The following TMEM132D variants were observed in gnomAD, a reference collection of about 807,000 sequenced individuals.
TMEM132D encodes the protein mature OL transmembrane protein.
TMEM132D carries 21 observed loss-of-function variants against 62.3 expected under a neutral mutation model. That is an observed-to-expected ratio of 0.34 (90% CI 0.24 to 0.49). The LOEUF (loss-of-function observed/expected upper bound fraction) is 0.49. Among genes scored for constraint, TMEM132D ranks in the 20% least tolerant of loss-of-function variants. The probability of loss-of-function intolerance (pLI) is 0.99; values close to 1 mark genes in which losing one functional copy is unlikely to be tolerated. For synonymous variants in TMEM132D, 621 were observed against 575.6 expected (o/e 1.08, Z -1.13); for missense variants, 1,346 against 1,402.8 (o/e 0.96, Z 0.65).
intron 5 of TMEM132D, among the ~76,000 whole-genome samples, chr12:129,205,691 A>C (rs900902012): frequency 6.6e-6 from 1 of 151,884 alleles, no homozygotes; most frequent in Non-Finnish European, 1.5e-5. Context: ...AAAACTCTCC[A>C]CCCCTAAACA....
At chr12:129,380,626 T>G (rs1410356540) in intron 3 of TMEM132D, among the ~76,000 whole-genome samples, 1 of 152,050 alleles carries the variant, frequency 6.6e-6, no homozygotes, top group Non-Finnish European at 1.5e-5. Context: ...GTGTGTTGGT[T>G]TGTGTCTCCA....
chr12:129,749,791 C>G (rs1445074948), intron 1 of TMEM132D, among the ~76,000 whole-genome samples: 4 of 151,980 alleles, frequency 2.6e-5, no homozygotes, highest in Non-Finnish European at 5.9e-5. Flanking sequence ...ATGGGTGAAA[C>G]TTCCTTCAAG....
chr12:129,887,112 G>C (rs1874772774), intron 1 of TMEM132D, among the ~76,000 whole-genome samples: 1 of 152,124 alleles, frequency 6.6e-6, no homozygotes. Context: ...TCTGAGTATA[G>C]AGAACTATTT....
chr12:129,838,664 T>C (rs1873082119), intron 1 of TMEM132D, among the ~76,000 whole-genome samples: 1 of 152,106 alleles, frequency 6.6e-6, no homozygotes, highest in Admixed American at 6.5e-5. Context: ...AAAAGAGAAA[T>C]ACCCTAACAT....
chr12:129,789,122 A>C (rs1871326118), intron 1 of TMEM132D, among the ~76,000 whole-genome samples: 1 of 152,122 alleles, frequency 6.6e-6, no homozygotes, highest in Non-Finnish European at 1.5e-5. Context: ...TACATGGATA[A>C]GTTCTTTAGC....
intron 4 of TMEM132D, among the ~76,000 whole-genome samples, chr12:129,311,468 A>G (rs550054582): frequency 1.3e-5 from 2 of 152,330 alleles, no homozygotes; most frequent in Non-Finnish European, 2.9e-5. Context: ...GAATGCCCAC[A>G]ATGTTCCAGT....
At chr12:129,616,620 G>A (rs1878923708) in intron 2 of TMEM132D, among the ~76,000 whole-genome samples, 1 of 152,102 alleles carries the variant, frequency 6.6e-6, no homozygotes, top group South Asian at 2.1e-4. Flanking sequence ...AGATCTGATG[G>A]TTTCATAAGG....
chr12:129,529,451 G>C (rs902475789), intron 3 of TMEM132D, among the ~76,000 whole-genome samples: 4 of 152,182 alleles, frequency 2.6e-5, no homozygotes, highest in Admixed American at 6.5e-5. Flanking sequence ...GCCCCCCCAT[G>C]CTCTCTCTCT....
chr12:129,875,260 G>C (rs1229951869), intron 1 of TMEM132D, among the ~76,000 whole-genome samples: 3 of 152,200 alleles, frequency 2.0e-5, no homozygotes, highest in African/African-American at 7.2e-5. Flanking sequence ...TCACCCTGTA[G>C]GGCTTTCACA....
chr12:129,268,676 C>G (rs147629246), intron 4 of TMEM132D, among the ~76,000 whole-genome samples: 10,847 of 152,058 alleles, frequency 0.071, 566 homozygotes, highest in Admixed American at 0.17. Context: ...GGGTATATAC[C>G]CAAAGGATTA....
intron 3 of TMEM132D, among the ~76,000 whole-genome samples, chr12:129,392,974 C>T (rs142047297): frequency 6.6e-6 from 1 of 152,306 alleles, no homozygotes; most frequent in East Asian, 1.9e-4. Flanking sequence ...GAGAGAGCAA[C>T]CTCTACTTGC....
At chr12:129,368,310 A>G (rs529932457) in intron 3 of TMEM132D, among the ~76,000 whole-genome samples, 1 of 152,260 alleles carries the variant, frequency 6.6e-6, no homozygotes, top group East Asian at 1.9e-4. Context: ...TCATGTATAA[A>G]TACACCTTAC....
At chr12:129,130,889 G>A (rs1233049393) in intron 5 of TMEM132D, among the ~76,000 whole-genome samples, 1 of 152,222 alleles carries the variant, frequency 6.6e-6, no homozygotes, top group Non-Finnish European at 1.5e-5. Context: ...CCCACCAAGT[G>A]TGGTTCTCAC....
chr12:129,307,682 G>C (rs1157093337), intron 4 of TMEM132D, among the ~76,000 whole-genome samples: 2 of 151,996 alleles, frequency 1.3e-5, no homozygotes, highest in Non-Finnish European at 2.9e-5. Flanking sequence ...CAAGTCTCCT[G>C]ATCACTTCCT....
chr12:129,090,925 ACT>A (rs1206029183), intron 5 of TMEM132D, among the ~76,000 whole-genome samples: 1 of 151,622 alleles, frequency 6.6e-6, no homozygotes, highest in African/African-American at 2.4e-5. Context: ...CTACCTCATC[ACT>A]CTTCTAATAG....
intron 4 of TMEM132D, among the ~76,000 whole-genome samples, chr12:129,321,222 T>C (rs970768934): frequency 6.6e-6 from 1 of 152,206 alleles, no homozygotes; most frequent in Non-Finnish European, 1.5e-5. Flanking sequence ...TTCCATTATA[T>C]GATGGAAAAT....
At chr12:129,835,439 C>T (rs540675551) in intron 1 of TMEM132D, among the ~76,000 whole-genome samples, 21 of 152,052 alleles carry the variant, frequency 1.4e-4, no homozygotes, top group Admixed American at 6.5e-4. Flanking sequence ...TACAAACAAG[C>T]GCCACCAGGT....
intron 1 of TMEM132D, among the ~76,000 whole-genome samples, chr12:129,739,568 A>G (rs1180608525): frequency 1.3e-5 from 2 of 152,208 alleles, no homozygotes; most frequent in African/African-American, 2.4e-5. Flanking sequence ...CTATAATGGT[A>G]TCTAATCAAA....
intron 3 of TMEM132D, among the ~76,000 whole-genome samples, chr12:129,435,840 C>T (rs1006477524): frequency 6.6e-6 from 1 of 152,154 alleles, no homozygotes; most frequent in South Asian, 2.1e-4. Flanking sequence ...ATATGATTAT[C>T]AAATATCGTT....
Sources: allele counts gnomAD v4.1 joint callset (sites outside exome capture counted in the v4.1 genomes callset), GRCh38; gene constraint gnomAD v4.1.1; transcripts MANE v1.5; gene names NCBI Gene and HGNC (gene_info 2026-07-23, HGNC 2026-07-21).